The following FBLN1 variants were observed in gnomAD, a reference collection of about 807,000 sequenced individuals.
FBLN1 encodes the protein fibulin 1.
Under a neutral mutation model 89.7 loss-of-function variants are expected in FBLN1, and 34 were observed. That is an observed-to-expected ratio of 0.38 (90% CI 0.29 to 0.50). The LOEUF (loss-of-function observed/expected upper bound fraction) is 0.50, where lower values mean the gene tolerates loss of function less well. Among genes scored for constraint, FBLN1 ranks in the 20% least tolerant of loss-of-function variants. FBLN1 has a pLI of 0.92. For synonymous variants in FBLN1, 393 were observed against 391.3 expected (o/e 1.00, Z -0.05); for missense variants, 777 against 988.1 (o/e 0.79, Z 2.86).
At position 45,576,699 on chromosome 22, in the gene FBLN1, C is replaced by G. The variant is rs2089000156; in HGVS notation, c.1841-278C>G. On this transcript the variant is annotated intron_variant, in intron 15 of 16. Coordinates refer to ENST00000327858, the MANE Select transcript of FBLN1 (RefSeq NM_006486.3). The surrounding 1 kb of genome is among the most constrained non-coding windows in gnomAD (Gnocchi z 5.2). ...TGCACAGTGACTGATGACTTCTCAC[C>G]AGCCCTTCCTCTGATTAGCTCTGTG... Among the ~76,000 whole-genome samples, 2 of 152,194 alleles carry G rather than the reference C, an allele frequency of 1.3e-5. No individual in the cohort carries two copies. Among genetic ancestry groups the G allele is most frequent in the African/African-American group, 4.8e-5 (2 of 41,446 alleles).
At chr22:45,566,548 T>C (rs1264495271) in intron 14 of FBLN1, among the ~76,000 whole-genome samples, 1 of 152,196 alleles carries the variant, frequency 6.6e-6, no homozygotes, top group Non-Finnish European at 1.5e-5. Flanking sequence ...CATTTACTAG[T>C]TCTGTGACCC....
At position 45,572,116 on chromosome 22, in the gene FBLN1, G is replaced by A. The variant is rs998140218; in HGVS notation, c.1698-2395G>A. ...AGCACTCCAGCCTGGGTGACAGAGC[G>A]AGACTCATCTCAAAAAATATATAAA... On this transcript the variant is annotated intron_variant, in intron 14 of 16. Transcript: ENST00000327858. The surrounding 1 kb of genome is among the most constrained non-coding windows in gnomAD (Gnocchi z 5.8). Among the ~76,000 whole-genome samples, 6 of 152,006 alleles carry A rather than the reference G, an allele frequency of 3.9e-5. No homozygotes were observed. Among genetic ancestry groups the A allele is most frequent in the Admixed American group, 1.3e-4 (2 of 15,246 alleles).
In FBLN1 at chr22:45,510,072, G is replaced by C. The variant is rs35452425; in HGVS notation, c.79+7008G>C. Reference sequence around the variant, plus strand: ...ATCACATGCCTTTACTTCATCCCCAGCTATTCACGGAGCTTTGCCAACTTA... The same window carrying C: ...ATCACATGCCTTTACTTCATCCCCACCTATTCACGGAGCTTTGCCAACTTA... On this transcript the variant is annotated intron_variant, in intron 1 of 16. Transcript: ENST00000327858. Among the ~76,000 whole-genome samples the C allele has an allele frequency of 9.0e-3, 1,369 of 152,244 alleles. 6 individuals are homozygous for C. The highest frequency in any genetic ancestry group is 0.014 in the Non-Finnish European group (951 of 68,020).
chr22:45,546,035 A>T (rs1230751563), intron 11 of FBLN1, among the ~76,000 whole-genome samples: 1 of 152,156 alleles, frequency 6.6e-6, no homozygotes, highest in Non-Finnish European at 1.5e-5. Flanking sequence ...GTAATCCCCC[A>T]GCTACTCAGG....
In FBLN1 at chr22:45,574,723, C is replaced by CTA. The variant is rs2088979973; in HGVS notation, c.1840+71_1840+72dup. 3 of 1,385,494 alleles carry CTA rather than the reference C, an allele frequency of 2.2e-6. No homozygotes were observed. In the Admixed American group the frequency reaches 5.4e-5, roughly 25 times the overall value. The allele number at this position is 1,385,494 out of a possible 1,614,324, so 85.8% of individuals were successfully genotyped here. A position where few individuals can be genotyped will look rare whatever the true frequency, so the allele number is the denominator to read the frequency against. The stretch of plus-strand genomic sequence containing the variant: ...CCTCGGCTTCAGCTGAGGGCTTGGC[C>CTA]TACAGGAGTTGTTCCTTGTAAGATG... On this transcript the variant is annotated intron_variant, in intron 15 of 16. Coordinates refer to ENST00000327858, the MANE Select transcript of FBLN1 (RefSeq NM_006486.3). This position sits in a 1 kb window ranked among gnomAD's most constrained non-coding sequence, Gnocchi z 4.1.
At chr22:45,508,342 A>G (rs1396068996) in intron 1 of FBLN1, among the ~76,000 whole-genome samples, 1 of 141,072 alleles carries the variant, frequency 7.1e-6, no homozygotes, top group Non-Finnish European at 1.5e-5. Flanking sequence ...GCTCACTGCA[A>G]CCTCTGCCTC....
At position 45,574,774 on chromosome 22, in the gene FBLN1, TTTC is replaced by T; in HGVS notation, c.1840+124_1840+126del. On this transcript the variant is annotated intron_variant, in intron 15 of 16. Transcript: ENST00000327858. The surrounding 1 kb of genome is among the most constrained non-coding windows in gnomAD (Gnocchi z 4.1). ...TGGCCCAGGCTTTGAAATGCAGAAC[TTTC>T]TTTTTTTTTTTTTTTTTTTTTTGAG... The T allele has an allele frequency of 1.4e-5, 10 of 737,544 alleles. No individual in the cohort carries two copies. Among genetic ancestry groups the T allele is most frequent in the South Asian group, 3.8e-5 (2 of 52,574 alleles). 45.7% of individuals were successfully genotyped at this position (737,544 alleles called of 1,614,324 possible).
At chr22:45,507,561 T>A (rs1452827999) in intron 1 of FBLN1, among the ~76,000 whole-genome samples, 1 of 152,054 alleles carries the variant, frequency 6.6e-6, no homozygotes, top group Non-Finnish European at 1.5e-5. Context: ...GGGGTCTCAC[T>A]CTGCCGGCCA....
chr22:45,529,796 G>A (rs2088379680), intron 4 of FBLN1, among the ~76,000 whole-genome samples: 1 of 152,232 alleles, frequency 6.6e-6, no homozygotes, highest in African/African-American at 2.4e-5. Flanking sequence ...GAACCTGGGA[G>A]GCGGAGGTTG....
Position 45,563,715 on chromosome 22 carries a change from C to T in FBLN1, c.1698-10796C>T, listed in dbSNP as rs1037138138. ...GAGAAGGGGAAGGGTTGGCCAGGGTCGTCTGGCCTGCTGTGGCCATGCCAG... is the reference window on the plus strand; with the variant it reads ...GAGAAGGGGAAGGGTTGGCCAGGGTTGTCTGGCCTGCTGTGGCCATGCCAG... On this transcript the variant is annotated intron_variant, in intron 14 of 16. Coordinates refer to ENST00000327858, the MANE Select transcript of FBLN1 (RefSeq NM_006486.3). The surrounding 1 kb of genome is among the most constrained non-coding windows in gnomAD (Gnocchi z 5.7). Among the ~76,000 whole-genome samples, 4 of 152,326 alleles carry T rather than the reference C, an allele frequency of 2.6e-5. No homozygotes were observed. Among genetic ancestry groups the T allele is most frequent in the Non-Finnish European group, 4.4e-5 (3 of 68,026 alleles).
chr22:45,585,432 GGA>G (rs1449116321), intron 16 of FBLN1, among the ~76,000 whole-genome samples: 2 of 152,218 alleles, frequency 1.3e-5, no homozygotes, highest in Admixed American at 1.3e-4. Context: ...CAGCCCATGT[GGA>G]GAGTTTGGCC....
rs962699844 is a variant in FBLN1, at chr22:45,583,500, G to A, written c.1972+6392G>A. On this transcript the variant is annotated intron_variant, in intron 16 of 16. Transcript: ENST00000327858. The surrounding 1 kb of genome is among the most constrained non-coding windows in gnomAD (Gnocchi z 4.5). ...ACGATGTATGTGAAAGCTCCCAGCA[G>A]TGCCTGGCACACAGTGGGTGCACAG... Among the ~76,000 whole-genome samples, 8 of 152,238 alleles carry A rather than the reference G, an allele frequency of 5.3e-5. No individual in the cohort carries two copies. The highest frequency in any genetic ancestry group is 1.7e-4 in the African/African-American group (7 of 41,458).
intron 2 of FBLN1, chr22:45,523,242 G>A: frequency 1.4e-6 from 1 of 739,052 alleles, no homozygotes; most frequent in Admixed American, 1.8e-5. Context: ...CTGGAGTGGA[G>A]CCAGCAACGG....
intron 16 of FBLN1, among the ~76,000 whole-genome samples, chr22:45,598,407 C>G (rs1313458204): frequency 2.0e-5 from 3 of 152,234 alleles, no homozygotes; most frequent in Non-Finnish European, 2.9e-5. Context: ...ATCCTACTGT[C>G]AGAACATGTG....
At chr22:45,524,933 A>G (rs1436903892) in intron 2 of FBLN1, among the ~76,000 whole-genome samples, 1 of 152,100 alleles carries the variant, frequency 6.6e-6, no homozygotes, top group Non-Finnish European at 1.5e-5. Context: ...AAAATAGAAA[A>G]GTTAGCCAGG....
chr22:45,596,481 A>G (rs1240529086), intron 16 of FBLN1, among the ~76,000 whole-genome samples: 1 of 152,150 alleles, frequency 6.6e-6, no homozygotes, highest in Non-Finnish European at 1.5e-5. Flanking sequence ...TGTTGATAAT[A>G]TTAATGGTCC....
intron 1 of FBLN1, among the ~76,000 whole-genome samples, chr22:45,516,123 C>T (rs560681174): frequency 3.3e-5 from 5 of 152,174 alleles, no homozygotes; most frequent in Admixed American, 6.5e-5. Flanking sequence ...GGCAGGCAGG[C>T]GGCCAGGAGA....
chr22:45,586,948 G>A (rs906369658), intron 16 of FBLN1, among the ~76,000 whole-genome samples: 1 of 152,104 alleles, frequency 6.6e-6, no homozygotes. Flanking sequence ...GACAGTACAG[G>A]GCCAGAGGTC....
At chr22:45,594,598 A>ATGGG (rs2089167268) in intron 16 of FBLN1, among the ~76,000 whole-genome samples, 1 of 151,696 alleles carries the variant, frequency 6.6e-6, no homozygotes, top group Admixed American at 6.6e-5. Flanking sequence ...GGGTGGATCC[A>ATGGG]TGGGTGGGTG....
Sources: allele counts gnomAD v4.1 joint callset (sites outside exome capture counted in the v4.1 genomes callset), GRCh38; gene constraint gnomAD v4.1.1; non-coding constraint Gnocchi (gnomAD v3.1); transcripts MANE v1.5; gene names NCBI Gene and HGNC (gene_info 2026-07-23, HGNC 2026-07-21).